The following USP34 variants were observed in gnomAD, a reference collection of about 807,000 sequenced individuals.
USP34 encodes ubiquitin specific peptidase 34.
A neutral mutation model predicts 460.3 loss-of-function variants in USP34; 70 were observed. That is an observed-to-expected ratio of 0.15 (90% CI 0.13 to 0.19). The LOEUF (loss-of-function observed/expected upper bound fraction) is 0.19, where lower values mean the gene tolerates loss of function less well. USP34 is among the 10% of genes least tolerant of loss of function. The probability of loss-of-function intolerance (pLI) is 1.00; values close to 1 mark genes in which losing one functional copy is unlikely to be tolerated. For synonymous variants in USP34, 1,647 were observed against 1,405.3 expected, an observed-to-expected ratio of 1.17 and a Z score of -3.85; for missense variants, 3,985 against 4,236.2, an observed-to-expected ratio of 0.94 and a Z score of 1.65.
chr2:61,219,233 C>T (rs779636231), intron 67 of USP34, among the ~76,000 whole-genome samples: 3 of 152,186 alleles, frequency 2.0e-5, no homozygotes, highest in Non-Finnish European at 4.4e-5. Context: ...CTGACATACA[C>T]CCACCATTTT....
In USP34 at chr2:61,190,531, T is replaced by A; in HGVS notation, c.9716A>T (p.His3239Leu). 1.2e-6 allele frequency: 2 copies of A among 1,613,722 alleles called. No individual in the cohort carries two copies. The highest frequency in any genetic ancestry group is 1.7e-6 in the Non-Finnish European group (2 of 1,179,876). Residue 3239 changes from histidine to leucine, a missense_variant, in exon 77 of 80, where the codon CAT becomes CTT. Transcript: ENST00000398571. ...NNNIVYTFMTHFLLKVQSQVF... is the reference protein window; with the variant it reads ...NNNIVYTFMTLFLLKVQSQVF... ...AGTACTACGTACCTTTAGAAGGAAATGTGTCATGAACGTGTAGACAATGTT... is the reference window on the plus strand; with the variant it reads ...AGTACTACGTACCTTTAGAAGGAAAAGTGTCATGAACGTGTAGACAATGTT...
At chr2:61,248,723 C>T in intron 48 of USP34, 40 bp from the exon 49 acceptor site, 1 of 1,498,178 alleles carries the variant, frequency 6.7e-7, no homozygotes, top group Non-Finnish European at 9.0e-7. Flanking sequence ...TTATTTTTTA[C>T]AAATACTTCA....
chr2:61,256,979 A>T (rs1230716213), intron 46 of USP34, 29 bp from the exon 47 acceptor site: 3 of 1,437,428 alleles, frequency 2.1e-6, no homozygotes, highest in East Asian at 2.6e-5. Context: ...AAATTAATAA[A>T]AACTAGTAAA....
intron 10 of USP34, among the ~76,000 whole-genome samples, chr2:61,351,705 C>G (rs1352229365): frequency 6.6e-6 from 1 of 152,046 alleles, no homozygotes; most frequent in Non-Finnish European, 1.5e-5. Context: ...TATGCACAAC[C>G]TAATACTGAA....
chr2:61,256,502 A>C, intron 47 of USP34, 24 bp from the exon 48 acceptor site: 1 of 1,518,292 alleles, frequency 6.6e-7, no homozygotes. Flanking sequence ...CACATTTAAA[A>C]GTTTCATATT....
chr2:61,454,878 T>C (rs1214421354), intron 1 of USP34, among the ~76,000 whole-genome samples: 3 of 148,886 alleles, frequency 2.0e-5, no homozygotes, highest in African/African-American at 5.0e-5. Flanking sequence ...TTCTTTTTTT[T>C]TTTTTTTGGT....
At chr2:61,211,656 A>G in intron 69 of USP34, 116 bp downstream of exon 69, 3 of 1,143,242 alleles carry the variant, frequency 2.6e-6, no homozygotes, top group South Asian at 3.8e-5. Flanking sequence ...AAAATGTTCC[A>G]AAGTGGCTAC....
rs200941369 is a variant in USP34, at chr2:61,414,274, A to T, written c.131+6472T>A. ...ATAAAATAAATAAATAAATAACTTTAAAAAAAAAAAGAGTATGAAGGAAAA... is the reference window on the plus strand; with the variant it reads ...ATAAAATAAATAAATAAATAACTTTTAAAAAAAAAAGAGTATGAAGGAAAA... On this transcript the variant is annotated intron_variant, in intron 2 of 79. Transcript: ENST00000398571. Among the ~76,000 whole-genome samples the T allele has an allele frequency of 4.2e-3, 137 of 32,546 alleles. No homozygotes were observed. The East Asian group carries it at 0.15, about 35-fold the overall frequency. 21.4% of individuals were successfully genotyped at this position (32,546 alleles called of 152,430 possible). A position where few individuals can be genotyped will look rare whatever the true frequency, so the allele number is the denominator to read the frequency against.
At chr2:61,376,637 GTTTAT>G (rs944849549) in intron 8 of USP34, among the ~76,000 whole-genome samples, 31 of 152,194 alleles carry the variant, frequency 2.0e-4, no homozygotes, top group African/African-American at 7.0e-4. Flanking sequence ...AGAGCTGTAG[GTTTAT>G]TTTGTTTGTT....
intron 21 of USP34, among the ~76,000 whole-genome samples, chr2:61,321,073 G>A (rs1175445540): frequency 6.6e-6 from 1 of 152,136 alleles, no homozygotes; most frequent in Non-Finnish European, 1.5e-5. Context: ...CTACTTGGGA[G>A]GCTGAGGTGG....
intron 10 of USP34, among the ~76,000 whole-genome samples, chr2:61,354,707 T>C (rs766542682): frequency 5.3e-5 from 8 of 152,094 alleles, no homozygotes; most frequent in Admixed American, 2.6e-4. Context: ...CCTAGAATGT[T>C]TGAGGAAAAA....
chr2:61,352,875 G>A (rs536109392), intron 10 of USP34, among the ~76,000 whole-genome samples: 10 of 152,054 alleles, frequency 6.6e-5, no homozygotes, highest in African/African-American at 1.7e-4. Context: ...CGATGAAGAC[G>A]AAAAAGAAAA....
rs1485986999 is a variant in USP34, at chr2:61,339,397, G to A, written c.2698C>T (p.Arg900Ter). The change falls in exon 18 of 80, where the codon CGA becomes TGA. Residue 900 changes from arginine to a stop codon, truncating the protein, a stop_gained. Coordinates refer to ENST00000398571, the MANE Select transcript of USP34 (RefSeq NM_014709.4). LOFTEE classifies it high-confidence loss of function. ...AGGCAACCTTCAATGAATCTCATTC[G>A]AATTTGTCTATCTGTAAACCAACAT... The part of the protein sequence containing the change: ...LVCWFTDRQI[R>*]MRFIEGCLEN... 1 of 1,608,558 alleles carries A rather than the reference G, an allele frequency of 6.2e-7. No individual in the cohort carries two copies. The highest frequency in any genetic ancestry group is 1.3e-5 in the African/African-American group (1 of 74,758).
At chr2:61,252,860 G>A (rs1017629896) in intron 48 of USP34, among the ~76,000 whole-genome samples, 1 of 152,146 alleles carries the variant, frequency 6.6e-6, no homozygotes, top group Non-Finnish European at 1.5e-5. Flanking sequence ...GAGAACAGGT[G>A]ACAGAGCACA....
At chr2:61,251,261 T>C (rs1056442934) in intron 48 of USP34, among the ~76,000 whole-genome samples, 1 of 152,236 alleles carries the variant, frequency 6.6e-6, no homozygotes, top group Non-Finnish European at 1.5e-5. Context: ...AGTCTTGATG[T>C]AGTACTGTAA....
At chr2:61,280,389 A>C in intron 38 of USP34, 41 bp from the exon 39 acceptor site, 1 of 997,278 alleles carries the variant, frequency 1.0e-6, no homozygotes, top group East Asian at 3.0e-5. Context: ...CATTTTAAAA[A>C]TAAATAAAAT....
intron 18 of USP34, among the ~76,000 whole-genome samples, chr2:61,334,310 T>C (rs1484143010): frequency 1.3e-5 from 2 of 152,120 alleles, no homozygotes; most frequent in African/African-American, 4.8e-5. Flanking sequence ...ATGATTTGCA[T>C]TCAAATTGAG....
In USP34 at chr2:61,350,328, G is replaced by A; in HGVS notation, c.1439C>T (p.Ala480Val). 1.2e-6 allele frequency: 2 copies of A among 1,613,656 alleles called. No individual in the cohort carries two copies. Among genetic ancestry groups the A allele is most frequent in the Non-Finnish European group, 8.5e-7 (1 of 1,179,776 alleles). The change falls in exon 12 of 80, where the codon GCT becomes GTT. Residue 480 changes from alanine (A) to valine (V), a missense_variant. Ala to Val is a moderately conservative substitution (Grantham distance 64). This residue lies in a region of USP34 where 716 missense variants were observed against 626.2 expected (regional missense o/e 1.14). Transcript: ENST00000398571. ...AAAAGAACTCTGTTTAGATAACTGA[G>A]CCTTAGCTGCTAGTGCGTTATTCCA... Reference protein sequence around the residue: ...ALWNNALAAKAQLSKQSSFAS... With the variant: ...ALWNNALAAKVQLSKQSSFAS...
intron 75 of USP34, among the ~76,000 whole-genome samples, chr2:61,201,404 G>A (rs1012149180): frequency 4.6e-5 from 7 of 151,996 alleles, no homozygotes; most frequent in Admixed American, 3.3e-4. Flanking sequence ...TTTTAGTAGA[G>A]ACATTTCACC....
Sources: allele counts gnomAD v4.1 joint callset (sites outside exome capture counted in the v4.1 genomes callset), GRCh38; gene constraint gnomAD v4.1.1; regional missense constraint gnomAD v4.1.1; transcripts MANE v1.5; gene names NCBI Gene and HGNC (gene_info 2026-07-23, HGNC 2026-07-21).